Variants in CDH4 observed in about 807,000 individuals in gnomAD.
CDH4 encodes the protein cadherin 4, also known as cadherin-4.
Under a neutral mutation model 86.0 loss-of-function variants are expected in CDH4, and 33 were observed. The ratio of observed to expected loss-of-function variants is 0.38; its 90% CI spans 0.29 to 0.51. The LOEUF (loss-of-function observed/expected upper bound fraction) is 0.51. CDH4 is among the 20% of genes least tolerant of loss of function. The pLI is 0.86. For missense variants in CDH4, 1,114 were observed against 1,307.4 expected, an observed-to-expected ratio of 0.85 and a Z score of 2.28; for synonymous variants, 555 against 549.4, an observed-to-expected ratio of 1.01 and a Z score of -0.14.
intron 2 of CDH4, among the ~76,000 whole-genome samples, chr20:61,728,367 G>C (rs1028672438): frequency 6.6e-6 from 1 of 151,626 alleles, no homozygotes; most frequent in East Asian, 1.9e-4. Flanking sequence ...ATGTTATTTA[G>C]ATGGTGCCTT....
intron 2 of CDH4, among the ~76,000 whole-genome samples, chr20:61,557,135 AGGTC>A (rs1224104365): frequency 2.0e-5 from 3 of 152,176 alleles, no homozygotes; most frequent in African/African-American, 7.2e-5. Flanking sequence ...AATACTAAAA[AGGTC>A]GGGATTGATG....
intron 2 of CDH4, among the ~76,000 whole-genome samples, chr20:61,406,572 GGACCACCATCTGCTCTGCCCA>G (rs1470255877): frequency 1.4e-5 from 2 of 138,334 alleles, no homozygotes; most frequent in Admixed American, 1.5e-4. Context: ...TGCTCTGCCT[GGACCACCATCTGCTCTGCCCA>G]GACCACCATC....
intron 2 of CDH4, among the ~76,000 whole-genome samples, chr20:61,403,171 A>G (rs2085059393): frequency 6.6e-6 from 1 of 152,128 alleles, no homozygotes; most frequent in South Asian, 2.1e-4. Context: ...CCATGAGGGG[A>G]TCTTGAAGAG....
intron 2 of CDH4, among the ~76,000 whole-genome samples, chr20:61,564,576 G>T (rs1366962723): frequency 6.6e-6 from 1 of 152,158 alleles, no homozygotes; most frequent in Non-Finnish European, 1.5e-5. Flanking sequence ...CATGATTGAA[G>T]CTTCCTGAGG....
intron 3 of CDH4, among the ~76,000 whole-genome samples, chr20:61,744,805 C>T (rs140905603): frequency 1.4e-3 from 207 of 152,292 alleles, no homozygotes; most frequent in Non-Finnish European, 2.2e-3. Context: ...TGCGTTCATC[C>T]CCAGTTCTAG....
chr20:61,920,995 G>A (rs374833929), intron 9 of CDH4, among the ~76,000 whole-genome samples: 11 of 146,582 alleles, frequency 7.5e-5, no homozygotes, highest in African/African-American at 2.5e-4. Flanking sequence ...GTGTGGTGTC[G>A]TGATTGCATG....
At chr20:61,384,406 TACTC>T (rs1254030324) in intron 2 of CDH4, among the ~76,000 whole-genome samples, 1 of 152,164 alleles carries the variant, frequency 6.6e-6, no homozygotes, top group East Asian at 1.9e-4. Context: ...TCTGGCCTCT[TACTC>T]AGGCCCTGGC....
intron 2 of CDH4, among the ~76,000 whole-genome samples, chr20:61,407,982 T>G (rs1423510297): frequency 6.6e-6 from 1 of 152,138 alleles, no homozygotes; most frequent in Non-Finnish European, 1.5e-5. Context: ...CAGAAGAGAA[T>G]TCTCTTACTG....
chr20:61,494,386 T>C (rs1304986406), intron 2 of CDH4, among the ~76,000 whole-genome samples: 1 of 152,228 alleles, frequency 6.6e-6, no homozygotes, highest in Non-Finnish European at 1.5e-5. Context: ...ATCTTTATAT[T>C]TGAAGTTTTT....
intron 2 of CDH4, among the ~76,000 whole-genome samples, chr20:61,401,644 TATC>T (rs1356215604): frequency 4.6e-5 from 7 of 152,220 alleles, no homozygotes; most frequent in East Asian, 1.9e-4. Flanking sequence ...CACTGTGACA[TATC>T]ATGACCTCTT....
At chr20:61,808,830 C>G (rs562976439) in intron 4 of CDH4, among the ~76,000 whole-genome samples, 3 of 148,360 alleles carry the variant, frequency 2.0e-5, no homozygotes, top group South Asian at 4.6e-4. Context: ...ACTCTTGATA[C>G]CCTGATGTGT....
chr20:61,377,004 G>A lies in CDH4; in HGVS notation c.169+122067G>A, dbSNP rs367719462. Reference sequence around the variant, plus strand: ...AACTCTTTCATCCCAACCAGTGAGCGCTAGTTAGGCAAGCTGGAAAGCTGT... The same window carrying A: ...AACTCTTTCATCCCAACCAGTGAGCACTAGTTAGGCAAGCTGGAAAGCTGT... On this transcript the variant is annotated intron_variant, in intron 2 of 15. Coordinates refer to ENST00000614565, the MANE Select transcript of CDH4 (RefSeq NM_001794.5). The surrounding 1 kb of genome is among the most constrained non-coding windows in gnomAD (Gnocchi z 4.0). Among the ~76,000 whole-genome samples the A allele has an allele frequency of 2.6e-5, 4 of 152,178 alleles. No individual in the cohort carries two copies. Among genetic ancestry groups the A allele is most frequent in the East Asian group, 1.9e-4 (1 of 5,192 alleles).
At chr20:61,685,354 T>G (rs1367345307) in intron 2 of CDH4, among the ~76,000 whole-genome samples, 1 of 152,194 alleles carries the variant, frequency 6.6e-6, no homozygotes, top group Admixed American at 6.5e-5. Flanking sequence ...CCACCCTTTG[T>G]GTGAAGCGGG....
At chr20:61,748,780 T>C (rs2088449697) in intron 3 of CDH4, among the ~76,000 whole-genome samples, 1 of 152,202 alleles carries the variant, frequency 6.6e-6, no homozygotes, top group Non-Finnish European at 1.5e-5. Context: ...AAAATACTTG[T>C]TATAAAGTCT....
chr20:61,285,275 A>G (rs1465920484), intron 2 of CDH4, among the ~76,000 whole-genome samples: 1 of 152,244 alleles, frequency 6.6e-6, no homozygotes. Context: ...GCCACGAAGC[A>G]GCAGAGCTGG....
intron 2 of CDH4, among the ~76,000 whole-genome samples, chr20:61,669,734 A>G (rs1267061563): frequency 6.6e-6 from 1 of 152,150 alleles, no homozygotes; most frequent in African/African-American, 2.4e-5. Flanking sequence ...CTCCCTCTCA[A>G]TCTTCCCGTA....
intron 7 of CDH4, among the ~76,000 whole-genome samples, chr20:61,886,290 G>A (rs763078375): frequency 6.6e-6 from 1 of 152,206 alleles, no homozygotes; most frequent in South Asian, 2.1e-4. Flanking sequence ...GCCAGGGCAC[G>A]CTCGACTCAG....
chr20:61,624,825 A>G (rs999231284), intron 2 of CDH4, among the ~76,000 whole-genome samples: 4 of 152,212 alleles, frequency 2.6e-5, no homozygotes, highest in African/African-American at 7.2e-5. Flanking sequence ...CGACGCTGGC[A>G]TGGGGGATAG....
chr20:61,404,128 TGGTGCA>T (rs2085065885), intron 2 of CDH4, among the ~76,000 whole-genome samples: 1 of 125,714 alleles, frequency 8.0e-6, no homozygotes, highest in Non-Finnish European at 1.8e-5. Context: ...GCAGCTGAGC[TGGTGCA>T]GCTGAGCTGC....
Sources: allele counts gnomAD v4.1 joint callset (sites outside exome capture counted in the v4.1 genomes callset), GRCh38; gene constraint gnomAD v4.1.1; non-coding constraint Gnocchi (gnomAD v3.1); transcripts MANE v1.5; gene names NCBI Gene and HGNC (gene_info 2026-07-23, HGNC 2026-07-21).